Variants in DLC1 observed in about 807,000 individuals in gnomAD.
DLC1 encodes DLC1 Rho GTPase activating protein.
Under a neutral mutation model 140.3 loss-of-function variants are expected in DLC1, and 54 were observed. That is an observed-to-expected ratio of 0.38 (90% CI 0.31 to 0.48). DLC1 has a LOEUF of 0.48. Ranked by LOEUF, DLC1 falls within the 20% of genes least tolerant of loss-of-function variation. DLC1 has a pLI of 0.96. For missense variants in DLC1, 2,536 were observed against 1,907.0 expected, an observed-to-expected ratio of 1.33 and a Z score of -6.14; for synonymous variants, 986 against 728.1, an observed-to-expected ratio of 1.35 and a Z score of -5.70.
At chr8:13,358,163 A>G (rs144553799) in intron 4 of DLC1, among the ~76,000 whole-genome samples, 129 of 152,360 alleles carry the variant, frequency 8.5e-4, no homozygotes, top group African/African-American at 3.1e-3. Flanking sequence ...TCTGGAAAAA[A>G]AATAGCTGTA....
At chr8:13,440,974 C>T (rs1798480339) in intron 2 of DLC1, among the ~76,000 whole-genome samples, 1 of 152,184 alleles carries the variant, frequency 6.6e-6, no homozygotes, top group African/African-American at 2.4e-5. Flanking sequence ...ATGAGCACTG[C>T]TTTATTCACA....
intron 2 of DLC1, among the ~76,000 whole-genome samples, chr8:13,482,127 G>T (rs1800766388): frequency 6.6e-6 from 1 of 152,120 alleles, no homozygotes; most frequent in Non-Finnish European, 1.5e-5. Context: ...AAGGTGCTTT[G>T]TTAGGACAGC....
chr8:13,313,792 T>G (rs531136709), intron 4 of DLC1, among the ~76,000 whole-genome samples: 8 of 152,002 alleles, frequency 5.3e-5, no homozygotes, highest in Admixed American at 1.3e-4. Context: ...AACATTTTTG[T>G]TTTTTTTCTT....
intron 1 of DLC1, among the ~76,000 whole-genome samples, chr8:13,556,512 C>A (rs567727329): frequency 6.6e-6 from 1 of 152,192 alleles, no homozygotes; most frequent in African/African-American, 2.4e-5. Flanking sequence ...CTTCCTGGTA[C>A]ACTGCCTCTT....
chr8:13,089,031 G>A (rs146882977), intron 15 of DLC1, among the ~76,000 whole-genome samples: 6,369 of 152,170 alleles, frequency 0.042, 387 homozygotes, highest in African/African-American at 0.13. Flanking sequence ...AGCCGAGGCG[G>A]GTGGATCATC....
intron 1 of DLC1, among the ~76,000 whole-genome samples, chr8:13,588,896 G>A (rs1455051539): frequency 6.6e-6 from 1 of 152,032 alleles, no homozygotes; most frequent in Non-Finnish European, 1.5e-5. Flanking sequence ...TAAGTGAGGA[G>A]GGAGAAGGTC....
chr8:13,089,349 A>T (rs686824), intron 15 of DLC1, among the ~76,000 whole-genome samples: 2 of 151,800 alleles, frequency 1.3e-5, no homozygotes, highest in African/African-American at 2.4e-5. Flanking sequence ...AGTCACTGGC[A>T]GGGCATGGTG....
intron 5 of DLC1, among the ~76,000 whole-genome samples, chr8:13,143,848 G>GAGAGAGAGAGAGAC (rs1490009372): frequency 6.8e-6 from 1 of 147,716 alleles, no homozygotes; most frequent in African/African-American, 2.5e-5. Flanking sequence ...GAGAGAGAGA[G>GAGAGAGAGAGAGAC]AGAGACATAG....
intron 4 of DLC1, among the ~76,000 whole-genome samples, chr8:13,390,344 C>T (rs1266575528): frequency 6.6e-6 from 1 of 152,208 alleles, no homozygotes; most frequent in Non-Finnish European, 1.5e-5. Context: ...ATATGTACCA[C>T]ATTTTCTTTA....
chr8:13,228,435 A>T (rs1828896179), intron 5 of DLC1, among the ~76,000 whole-genome samples: 3 of 152,196 alleles, frequency 2.0e-5, no homozygotes, highest in Admixed American at 2.0e-4. Flanking sequence ...TTATAAAAAG[A>T]CAAACCAGTT....
intron 1 of DLC1, among the ~76,000 whole-genome samples, chr8:13,524,884 T>C (rs1271369562): frequency 6.6e-6 from 1 of 152,198 alleles, no homozygotes; most frequent in African/African-American, 2.4e-5. Flanking sequence ...AACAATTTGA[T>C]TGCTTTTGAC....
chr8:13,214,921 C>G, intron 5 of DLC1: 1 of 636,116 alleles, frequency 1.6e-6, no homozygotes, highest in Non-Finnish European at 2.8e-6. Context: ...TATTGTCAAA[C>G]TCAGCACCAC....
At chr8:13,358,329 T>G (rs777893596) in intron 4 of DLC1, among the ~76,000 whole-genome samples, 18 of 152,208 alleles carry the variant, frequency 1.2e-4, no homozygotes, top group Non-Finnish European at 1.5e-4. Flanking sequence ...GATGTTGATT[T>G]CAAAATACTC....
intron 1 of DLC1, among the ~76,000 whole-genome samples, chr8:13,526,121 A>T (rs1802915395): frequency 6.6e-6 from 1 of 152,210 alleles, no homozygotes; most frequent in Non-Finnish European, 1.5e-5. Context: ...AAATCAATTG[A>T]CCAACTATGT....
chr8:13,341,731 T>A (rs188767645), intron 4 of DLC1: 1 of 152,350 alleles, frequency 6.6e-6, no homozygotes, highest in African/African-American at 2.4e-5. Context: ...GCTACTGAGA[T>A]GCAAGGTGCT....
chr8:13,318,304 G>A (rs1462333979), intron 4 of DLC1, among the ~76,000 whole-genome samples: 2 of 151,974 alleles, frequency 1.3e-5, no homozygotes, highest in Non-Finnish European at 2.9e-5. Flanking sequence ...AAAGTTCTGG[G>A]ATTACTGGCA....
intron 4 of DLC1, among the ~76,000 whole-genome samples, chr8:13,349,353 A>C (rs1321719232): frequency 6.6e-6 from 1 of 152,196 alleles, no homozygotes; most frequent in South Asian, 2.1e-4. Flanking sequence ...AGATTCACCT[A>C]TCTTAGAGCC....
intron 1 of DLC1, among the ~76,000 whole-genome samples, chr8:13,538,491 G>A (rs1803371931): frequency 6.6e-6 from 1 of 152,080 alleles, no homozygotes; most frequent in African/African-American, 2.4e-5. Context: ...ATGATGCCGA[G>A]ATAAGCTGTG....
intron 5 of DLC1, among the ~76,000 whole-genome samples, chr8:13,264,316 A>G (rs1250139082): frequency 6.6e-6 from 1 of 151,944 alleles, no homozygotes; most frequent in Non-Finnish European, 1.5e-5. Context: ...CAGGTCATCC[A>G]CCTACCTCGG....
Sources: gnomAD v4.1 joint callset for allele counts (sites outside exome capture counted in the v4.1 genomes callset) on GRCh38, gnomAD v4.1.1 for gene constraint, MANE v1.5 for transcripts, NCBI Gene and HGNC (gene_info 2026-07-23, HGNC 2026-07-21) for gene names.